The following CA10 variants were observed in gnomAD, a reference collection of about 807,000 sequenced individuals.
CA10 encodes the protein carbonic anhydrase-related protein 10.
In CA10, 14 loss-of-function variants were observed where a neutral mutation model predicts 44.2. That is an observed-to-expected ratio of 0.32 (90% CI 0.21 to 0.50). The LOEUF (loss-of-function observed/expected upper bound fraction) is 0.50, where lower values mean the gene tolerates loss of function less well. Among genes scored for constraint, CA10 ranks in the 20% least tolerant of loss-of-function variants. The pLI, the probability that CA10 is intolerant of heterozygous loss-of-function variation, is 0.99. For synonymous variants in CA10, 159 were observed against 141.6 expected (o/e 1.12, Z -0.87); for missense variants, 350 against 409.7 (o/e 0.85, Z 1.26).
At chr17:51,875,545 C>T (rs538593384) in intron 3 of CA10, among the ~76,000 whole-genome samples, 1 of 152,184 alleles carries the variant, frequency 6.6e-6, no homozygotes, top group African/African-American at 2.4e-5. Context: ...TTTCTGCAGT[C>T]ATTCTAATCT....
At chr17:51,692,666 C>T (rs1421237977) in intron 4 of CA10, among the ~76,000 whole-genome samples, 1 of 151,240 alleles carries the variant, frequency 6.6e-6, no homozygotes, top group African/African-American at 2.4e-5. Flanking sequence ...TGTGTAGATG[C>T]ACCATGGTTA....
intron 2 of CA10, among the ~76,000 whole-genome samples, chr17:52,069,454 G>A (rs774469239): frequency 3.3e-5 from 5 of 152,156 alleles, no homozygotes; most frequent in Non-Finnish European, 5.9e-5. Context: ...GTCAGAGGAA[G>A]GCATAGGTTT....
At chr17:51,691,808 C>T (rs182520198) in intron 4 of CA10, among the ~76,000 whole-genome samples, 1 of 152,182 alleles carries the variant, frequency 6.6e-6, no homozygotes, top group Admixed American at 6.5e-5. Flanking sequence ...TTTCCCAACA[C>T]CATTTATTGA....
intron 4 of CA10, among the ~76,000 whole-genome samples, chr17:51,729,633 C>A (rs1235270551): frequency 6.6e-6 from 1 of 152,182 alleles, no homozygotes; most frequent in Non-Finnish European, 1.5e-5. Flanking sequence ...TTAGACACTG[C>A]CTAAATTTCA....
intron 3 of CA10, among the ~76,000 whole-genome samples, chr17:51,896,145 AATTGC>A (rs1166301104): frequency 2.0e-5 from 3 of 151,902 alleles, no homozygotes; most frequent in Non-Finnish European, 2.9e-5. Flanking sequence ...TATATAGGTA[AATTGC>A]ATGTCATGGG....
At chr17:52,124,054 T>C (rs1342639435) in intron 1 of CA10, among the ~76,000 whole-genome samples, 1 of 152,228 alleles carries the variant, frequency 6.6e-6, no homozygotes, top group Admixed American at 6.5e-5. Context: ...ACTTGAACTC[T>C]CCAATATCTT....
intron 2 of CA10, among the ~76,000 whole-genome samples, chr17:51,946,802 C>T (rs203104): frequency 0.83 from 126,011 of 152,140 alleles, 52,360 homozygotes; most frequent in Non-Finnish European, 0.85. Flanking sequence ...GTTTTTGCGT[C>T]TTAATAATCC....
intron 4 of CA10, among the ~76,000 whole-genome samples, chr17:51,744,445 T>C (rs1438947154): frequency 1.3e-5 from 2 of 152,120 alleles, no homozygotes; most frequent in Non-Finnish European, 2.9e-5. Flanking sequence ...CAGTGCTTAA[T>C]AACTCCAGTA....
intron 1 of CA10, among the ~76,000 whole-genome samples, chr17:52,076,743 A>G (rs1357334674): frequency 6.6e-6 from 1 of 152,220 alleles, no homozygotes; most frequent in Non-Finnish European, 1.5e-5. Flanking sequence ...TGGATCTCCT[A>G]GAGAAATACA....
chr17:51,672,763 C>T (rs1914473710), intron 4 of CA10, among the ~76,000 whole-genome samples: 1 of 152,164 alleles, frequency 6.6e-6, no homozygotes, highest in Non-Finnish European at 1.5e-5. Context: ...TCTTGATTCC[C>T]ATGCCAGGGC....
intron 4 of CA10, among the ~76,000 whole-genome samples, chr17:51,709,654 G>A (rs1170133865): frequency 2.0e-5 from 3 of 152,242 alleles, no homozygotes; most frequent in African/African-American, 7.2e-5. Context: ...TTACTAGACA[G>A]AATAGCATAT....
At chr17:51,862,003 C>G (rs546963994) in intron 3 of CA10, among the ~76,000 whole-genome samples, 2 of 152,172 alleles carry the variant, frequency 1.3e-5, no homozygotes, top group African/African-American at 4.8e-5. Context: ...ACAACAGCCA[C>G]CTGCTTGCTA....
In CA10 at chr17:51,747,684, C is replaced by G. The variant is rs1220092772; in HGVS notation, c.414G>C (p.Glu138Asp). 1.9e-6 allele frequency: 3 copies of G among 1,614,174 alleles called. No individual in the cohort carries two copies. The highest frequency in any genetic ancestry group is 2.5e-6 in the Non-Finnish European group (3 of 1,179,996). Residue 138 changes from glutamate (E) to aspartate (D), a missense_variant, in exon 4 of 9, where the codon GAG becomes GAC. Transcript: ENST00000451037. ...LEEIRLHFGS[E>D]DSQGSEHLLN... Reference sequence around the variant, plus strand: ...GGAGGTGCTCCGACCCTTGGCTGTCCTCACTCCCAAAGTGTAGTCGGATCT... The same window carrying G: ...GGAGGTGCTCCGACCCTTGGCTGTCGTCACTCCCAAAGTGTAGTCGGATCT...
intron 1 of CA10, among the ~76,000 whole-genome samples, chr17:52,115,275 G>A (rs1374958940): frequency 6.6e-6 from 1 of 152,208 alleles, no homozygotes; most frequent in Admixed American, 6.5e-5. Flanking sequence ...ATGTGTCTGT[G>A]TGCCTAATTT....
Position 52,044,324 on chromosome 17 carries a change from G to T in CA10, c.136+27995C>A, listed in dbSNP as rs571521477. On this transcript the variant is annotated intron_variant, in intron 2 of 8. Coordinates refer to ENST00000451037, the MANE Select transcript of CA10 (RefSeq NM_020178.5). ...GAATTTATTTTTTATTTTTATTTAAGACAGGGTCTCCCTCTGTTGCCCATG... is the reference window on the plus strand; with the variant it reads ...GAATTTATTTTTTATTTTTATTTAATACAGGGTCTCCCTCTGTTGCCCATG... Among the ~76,000 whole-genome samples, 13 of 152,018 alleles carry T rather than the reference G, an allele frequency of 8.6e-5. No individual in the cohort carries two copies. In the East Asian group the frequency reaches 2.5e-3, roughly 30 times the overall value.
chr17:51,994,885 G>A (rs203042), intron 2 of CA10, among the ~76,000 whole-genome samples: 73,834 of 151,716 alleles, frequency 0.49, 18,635 homozygotes, highest in African/African-American at 0.59. Context: ...AGTTTTGTCT[G>A]TCAAGGAGAA....
At chr17:51,899,919 C>T (rs534438162) in intron 3 of CA10, among the ~76,000 whole-genome samples, 6 of 132,116 alleles carry the variant, frequency 4.5e-5, no homozygotes, top group Non-Finnish European at 8.1e-5. Flanking sequence ...TACTTTGAGA[C>T]TATGGGTGTC....
chr17:52,133,245 C>T (rs987031416), intron 1 of CA10, among the ~76,000 whole-genome samples: 1 of 152,198 alleles, frequency 6.6e-6, no homozygotes, highest in Non-Finnish European at 1.5e-5. Flanking sequence ...TAAGGTAAGC[C>T]TTGGAGCCTC....
At chr17:51,686,912 C>A (rs761016146) in intron 4 of CA10, among the ~76,000 whole-genome samples, 20 of 152,164 alleles carry the variant, frequency 1.3e-4, no homozygotes, top group African/African-American at 4.6e-4. Context: ...AAACATCCAA[C>A]GTCATTCTAC....
Sources: allele counts gnomAD v4.1 joint callset (sites outside exome capture counted in the v4.1 genomes callset), GRCh38; gene constraint gnomAD v4.1.1; transcripts MANE v1.5; gene names NCBI Gene and HGNC (gene_info 2026-07-23, HGNC 2026-07-21).